STAB2: variants seen among roughly 807,000 people sequenced by gnomAD.
STAB2 encodes the protein stabilin-2.
A neutral mutation model predicts 338.1 loss-of-function variants in STAB2; 288 were observed. That is an observed-to-expected ratio of 0.85 (90% CI 0.77 to 0.94). The LOEUF is 0.94. Ranked by LOEUF, STAB2 falls within the 40% of genes least tolerant of loss-of-function variation. STAB2 has a pLI of 0.00. For missense variants in STAB2, 3,141 were observed against 3,210.1 expected (o/e 0.98, Z 0.52); for synonymous variants, 1,202 against 1,193.3 (o/e 1.01, Z -0.15).
chr12:103,670,725 A>G lies in STAB2; in HGVS notation c.2289A>G (p.Thr763=), dbSNP rs538996866. The G allele has an allele frequency of 8.1e-6, 13 of 1,614,142 alleles. No homozygotes were observed. Among genetic ancestry groups the G allele is most frequent in the South Asian group, 1.1e-5 (1 of 91,068 alleles). ...CAGATAGCCTCGGCGGCAACGGGAC[A>G]TGCATTTGTGAGGAGGGCTTCCAAG... ...QCADSLGGNG[T]CICEEGFQGS... The change falls in exon 22 of 69, where the codon ACA becomes ACG. Residue 763 remains threonine (T), a synonymous_variant. Transcript: ENST00000388887.
chr12:103,690,581 C>T (rs1157581983), intron 30 of STAB2, 43 bp downstream of exon 30: 2 of 1,535,696 alleles, frequency 1.3e-6, no homozygotes, highest in Non-Finnish European at 1.8e-6. Flanking sequence ...AACATAACAG[C>T]TTTGTTTATA....
intron 44 of STAB2, among the ~76,000 whole-genome samples, chr12:103,724,128 A>G (rs1269233899): frequency 6.6e-6 from 1 of 152,196 alleles, no homozygotes; most frequent in Non-Finnish European, 1.5e-5. Flanking sequence ...GTAAAGGATT[A>G]TGGATACTAT....
intron 38 of STAB2, among the ~76,000 whole-genome samples, chr12:103,707,373 A>C (rs146548149): frequency 6.6e-6 from 1 of 152,354 alleles, no homozygotes; most frequent in East Asian, 1.9e-4. Context: ...CCTTAGGTAC[A>C]TGAGTATTGC....
Position 103,727,357 on chromosome 12 carries a change from A to G in STAB2, c.4935+7A>G. 1.9e-6 allele frequency: 3 copies of G among 1,614,200 alleles called. No individual in the cohort carries two copies. The highest frequency in any genetic ancestry group is 2.5e-6 in the Non-Finnish European group (3 of 1,180,010). ...CTTTGATGAGGAAGCTCGGGTGAGC[A>G]TGAGACTGTGGGCAGAAGGGGGAGG... On this transcript the variant is annotated splice_region_variant and intron_variant, in intron 47 of 68. Transcript: ENST00000388887.
intron 21 of STAB2, among the ~76,000 whole-genome samples, chr12:103,670,293 T>G (rs1593209331): frequency 2.0e-5 from 3 of 152,066 alleles, no homozygotes; most frequent in Admixed American, 2.0e-4. Context: ...TTGCCAGGGC[T>G]AGAGAGGTGG....
chr12:103,637,963 C>G, intron 7 of STAB2, 53 bp from the exon 8 acceptor site: 1 of 1,563,104 alleles, frequency 6.4e-7, no homozygotes, highest in Non-Finnish European at 8.7e-7. Context: ...GTTCAGTTTT[C>G]CTTCTCCATC....
At chr12:103,635,716 C>T (rs577208131) in intron 6 of STAB2, among the ~76,000 whole-genome samples, 2 of 152,372 alleles carry the variant, frequency 1.3e-5, no homozygotes, top group Admixed American at 1.3e-4. Context: ...AGGCCTGAAC[C>T]ACACACAGAG....
intron 59 of STAB2, among the ~76,000 whole-genome samples, chr12:103,750,318 G>A (rs1370388550): frequency 1.3e-5 from 2 of 152,216 alleles, no homozygotes; most frequent in African/African-American, 4.8e-5. Context: ...TGATAGAAGG[G>A]AATGGAAAAG....
chr12:103,640,120 A>G lies in STAB2; in HGVS notation c.907-3A>G. Reference sequence around the variant, plus strand: ...TTTGTTTTTCTCTTCCTGTCTACTGAAGTCTCACTGCGAGTGTAAGGAGCA... The same window carrying G: ...TTTGTTTTTCTCTTCCTGTCTACTGGAGTCTCACTGCGAGTGTAAGGAGCA... On this transcript the variant is annotated splice_polypyrimidine_tract_variant and splice_region_variant and intron_variant, in intron 8 of 68. Transcript: ENST00000388887. 6.2e-7 allele frequency: 1 copy of G among 1,609,430 alleles called. No individual in the cohort carries two copies. The highest frequency in any genetic ancestry group is 8.5e-7 in the Non-Finnish European group (1 of 1,177,192).
intron 48 of STAB2, among the ~76,000 whole-genome samples, chr12:103,729,244 T>C (rs1881452578): frequency 6.6e-6 from 1 of 152,130 alleles, no homozygotes. Context: ...AAATAACTAA[T>C]AGGTACTAGG....
rs890999216 is a variant in STAB2 at position 103,737,500 on chromosome 12, T to G, written c.5551-134T>G. 3.2e-6 allele frequency: 3 copies of G among 939,364 alleles called. No homozygotes were observed. The African/African-American group carries it at 5.0e-5, about 16-fold the overall frequency. 58.2% of individuals were successfully genotyped at this position (939,364 alleles called of 1,614,324 possible). ...ATGAATACATGGGGTTTTATTAAGT[T>G]CTTCCTGAGTCTTGCAGTTACTGGC... is the stretch of plus-strand genomic sequence containing the variant. On this transcript the variant is annotated intron_variant, in intron 52 of 68. Transcript: ENST00000388887.
intron 63 of STAB2, among the ~76,000 whole-genome samples, chr12:103,756,632 T>G (rs1425148298): frequency 2.0e-5 from 3 of 152,038 alleles, no homozygotes; most frequent in African/African-American, 7.2e-5. Context: ...GGTTCCAGCC[T>G]CCCCCTCATG....
intron 12 of STAB2, among the ~76,000 whole-genome samples, chr12:103,654,238 G>C (rs560272484): frequency 8.5e-5 from 13 of 152,348 alleles, no homozygotes; most frequent in South Asian, 2.1e-4. Context: ...AGTGAGTGAT[G>C]AATTTATAGT....
intron 5 of STAB2, among the ~76,000 whole-genome samples, chr12:103,626,623 G>A (rs1342197790): frequency 6.6e-6 from 1 of 152,216 alleles, no homozygotes; most frequent in African/African-American, 2.4e-5. Context: ...ACTCAGCGAT[G>A]CCTGGTCATT....
intron 49 of STAB2, 54 bp from the exon 50 acceptor site, chr12:103,731,522 T>G (rs1357154683): frequency 2.5e-6 from 4 of 1,582,214 alleles, no homozygotes; most frequent in Non-Finnish European, 3.4e-6. Context: ...CTTGTTAAAT[T>G]CCTCTTAAAC....
rs1181802989 is a variant in STAB2 at position 103,735,573 on chromosome 12, G to A, written c.5543G>A (p.Arg1848Lys). The A allele has an allele frequency of 6.2e-7, 1 of 1,609,502 alleles. No homozygotes were observed. Among genetic ancestry groups the A allele is most frequent in the Non-Finnish European group, 8.5e-7 (1 of 1,178,620 alleles). Residue 1848 changes from arginine to lysine, a missense_variant, in exon 52 of 69, where the codon AGG becomes AAG. Arg to Lys is a conservative substitution (Grantham distance 26). Coordinates refer to ENST00000388887, the MANE Select transcript of STAB2 (RefSeq NM_017564.10). ...CTGAGTGTGAAATGTGGAGCTGGCA[G>A]GGACATCGTGAGTATCATCATGAAG... Reference protein sequence around the residue: ...SELSVKCGAGRDIGDLFLNGQ... With the variant: ...SELSVKCGAGKDIGDLFLNGQ...
Position 103,704,540 on chromosome 12 carries a change from C to G in STAB2, c.3844-18C>G. 6.2e-7 allele frequency: 1 copy of G among 1,611,112 alleles called. No homozygotes were observed. The highest frequency in any genetic ancestry group is 8.5e-7 in the Non-Finnish European group (1 of 1,178,968). ...GTATTAAAGTTAATTACATTGATTGCTTTTGTGTTTTACCAAGGGAAGATG... is the reference window on the plus strand; with the variant it reads ...GTATTAAAGTTAATTACATTGATTGGTTTTGTGTTTTACCAAGGGAAGATG... On this transcript the variant is annotated intron_variant, in intron 35 of 68. Coordinates refer to ENST00000388887, the MANE Select transcript of STAB2 (RefSeq NM_017564.10).
chr12:103,703,234 T>A lies in STAB2; in HGVS notation c.3801T>A (p.Ile1267=). Residue 1267 remains isoleucine, a synonymous_variant, in exon 35 of 69, where the codon ATT becomes ATA. Transcript: ENST00000388887. ...VIHGLGKVLE[I]QKNRCDNNDT... ...ATGGCTTGGGAAAAGTTCTGGAAAT[T>A]CAGAAGAACAGATGTGATAATAATG... 1.2e-6 allele frequency: 2 copies of A among 1,613,904 alleles called. No homozygotes were observed. The highest frequency in any genetic ancestry group is 2.2e-5 in the South Asian group (2 of 91,080).
At chr12:103,692,645 GAGAGA>G (rs761303314) in intron 30 of STAB2, among the ~76,000 whole-genome samples, 162 bp from the exon 31 acceptor site, 2 of 152,108 alleles carry the variant, frequency 1.3e-5, no homozygotes, top group Non-Finnish European at 2.9e-5. Context: ...GAGAGAGAGA[GAGAGA>G]GGGGTCTATG....
Sources: allele counts gnomAD v4.1 joint callset (sites outside exome capture counted in the v4.1 genomes callset), GRCh38; gene constraint gnomAD v4.1.1; transcripts MANE v1.5; gene names NCBI Gene and HGNC (gene_info 2026-07-23, HGNC 2026-07-21).